TAFA5: variants seen among roughly 807,000 people sequenced by gnomAD.
TAFA5 encodes chemokine-like protein TAFA-5.
TAFA5 carries 6 observed loss-of-function variants against 15.3 expected under a neutral mutation model. The observed-to-expected ratio is 0.39, with a 90% CI of 0.21 to 0.77. The LOEUF (loss-of-function observed/expected upper bound fraction) is 0.77, where lower values mean the gene tolerates loss of function less well. TAFA5 is among the 30% of genes least tolerant of loss of function. TAFA5 has a pLI of 0.41. For synonymous variants in TAFA5, 103 were observed against 80.7 expected, an observed-to-expected ratio of 1.28 and a Z score of -1.48; for missense variants, 161 against 193.1, an observed-to-expected ratio of 0.83 and a Z score of 0.98.
chr22:48,742,881 G>A lies in TAFA5; in HGVS notation c.391-6958G>A, dbSNP rs1343403892. Among the ~76,000 whole-genome samples the A allele has an allele frequency of 6.6e-6, 1 of 152,156 alleles. No homozygotes were observed. Among genetic ancestry groups the A allele is most frequent in the East Asian group, 1.9e-4 (1 of 5,176 alleles). ...ACTGACGGTGTGAGGAGGGCCCTCT[G>A]CTGCCTCCATGCAGCCCACACGCGG... On this transcript the variant is annotated intron_variant, in intron 3 of 3. Coordinates refer to ENST00000402357, the MANE Select transcript of TAFA5 (RefSeq NM_001082967.3). This position sits in a 1 kb window ranked among gnomAD's most constrained non-coding sequence, Gnocchi z 6.2.
intron 1 of TAFA5, among the ~76,000 whole-genome samples, chr22:48,632,652 G>A (rs1926274388): frequency 6.6e-6 from 1 of 152,232 alleles, no homozygotes; most frequent in Non-Finnish European, 1.5e-5. Context: ...CCCTCTGGAG[G>A]CCGTTCTCTG....
At chr22:48,690,792 C>T (rs1928515926) in intron 2 of TAFA5, among the ~76,000 whole-genome samples, 2 of 152,322 alleles carry the variant, frequency 1.3e-5, no homozygotes, top group Middle Eastern at 3.4e-3. Context: ...GCCTTGGCCT[C>T]TGCCCAGGAG....
chr22:48,721,448 ACTGT>A (rs1222334103), intron 3 of TAFA5, among the ~76,000 whole-genome samples: 1 of 152,174 alleles, frequency 6.6e-6, no homozygotes, highest in African/African-American at 2.4e-5. Context: ...AACCGGTGCC[ACTGT>A]CTGATTCCAA....
chr22:48,584,558 C>T (rs192412706), intron 1 of TAFA5, among the ~76,000 whole-genome samples: 458 of 148,546 alleles, frequency 3.1e-3, no homozygotes, highest in African/African-American at 0.011. Flanking sequence ...ACACACACTA[C>T]ATGCCATGCA....
In TAFA5 at chr22:48,527,147, C is replaced by T. The variant is rs557001696; in HGVS notation, c.112+37443C>T. Among the ~76,000 whole-genome samples the T allele has an allele frequency of 3.3e-5, 5 of 152,376 alleles. No individual in the cohort carries two copies. In the East Asian group the frequency reaches 9.6e-4, roughly 29 times the overall value. On this transcript the variant is annotated intron_variant, in intron 1 of 3. Coordinates refer to ENST00000402357, the MANE Select transcript of TAFA5 (RefSeq NM_001082967.3). ...GCTGGCCTCCCCTGGGCCAATTGAC[C>T]AGGCCATGTGGTTCACCCTCTGGAG... is the stretch of plus-strand genomic sequence containing the variant.
rs969417776 is a variant in TAFA5 at position 48,530,144 on chromosome 22, C to G, written c.112+40440C>G. Among the ~76,000 whole-genome samples the G allele has an allele frequency of 1.3e-5, 2 of 152,158 alleles. No individual in the cohort carries two copies. The highest frequency in any genetic ancestry group is 2.9e-5 in the Non-Finnish European group (2 of 68,020). On this transcript the variant is annotated intron_variant, in intron 1 of 3. Coordinates refer to ENST00000402357, the MANE Select transcript of TAFA5 (RefSeq NM_001082967.3). This position sits in a 1 kb window ranked among gnomAD's most constrained non-coding sequence, Gnocchi z 6.0. ...GTACTGATGACCTGTACCACCTGCT[C>G]TGTCTCCATGGCGACTCGAGGAGGA...
intron 1 of TAFA5, among the ~76,000 whole-genome samples, chr22:48,605,963 A>AC (rs1242560447): frequency 6.6e-6 from 1 of 152,028 alleles, no homozygotes; most frequent in African/African-American, 2.4e-5. Flanking sequence ...CATGGGGTGG[A>AC]CCCCCAGCTC....
At chr22:48,575,842 G>C (rs1202710704) in intron 1 of TAFA5, among the ~76,000 whole-genome samples, 1 of 142,518 alleles carries the variant, frequency 7.0e-6, no homozygotes, top group Middle Eastern at 3.8e-3. Flanking sequence ...CGCCCGGCGC[G>C]CAGCCCCGGC....
intron 1 of TAFA5, among the ~76,000 whole-genome samples, chr22:48,514,920 C>T (rs1373854365): frequency 3.9e-5 from 6 of 152,254 alleles, no homozygotes; most frequent in Non-Finnish European, 7.3e-5. Flanking sequence ...GTAAGCACTG[C>T]CATCTCCATT....
intron 1 of TAFA5, among the ~76,000 whole-genome samples, chr22:48,517,015 T>C (rs1489847701): frequency 1.3e-5 from 2 of 152,220 alleles, no homozygotes; most frequent in African/African-American, 2.4e-5. Flanking sequence ...TGCTGGCATC[T>C]AGTGCAGCCA....
chr22:48,740,103 G>T lies in TAFA5; in HGVS notation c.391-9736G>T, dbSNP rs369421456. ...GCTGGCTTGTCCTTAATTAGCACAGGGAGGAGCTCACGCTGCAGGCCCCTC... is the reference window on the plus strand; with the variant it reads ...GCTGGCTTGTCCTTAATTAGCACAGTGAGGAGCTCACGCTGCAGGCCCCTC... On this transcript the variant is annotated intron_variant, in intron 3 of 3. Coordinates refer to ENST00000402357, the MANE Select transcript of TAFA5 (RefSeq NM_001082967.3). Among the ~76,000 whole-genome samples, 18 of 152,288 alleles carry T rather than the reference G, an allele frequency of 1.2e-4. No individual in the cohort carries two copies. In the East Asian group the frequency reaches 3.1e-3, roughly 26 times the overall value.
chr22:48,541,990 C>G (rs957108138), intron 1 of TAFA5, among the ~76,000 whole-genome samples: 2 of 152,160 alleles, frequency 1.3e-5, no homozygotes, highest in African/African-American at 4.8e-5. Flanking sequence ...TGTGCAGGGC[C>G]CAGCATCAAT....
At chr22:48,635,597 G>T (rs908141874) in intron 1 of TAFA5, among the ~76,000 whole-genome samples, 20 of 152,196 alleles carry the variant, frequency 1.3e-4, no homozygotes, top group African/African-American at 2.4e-5. Flanking sequence ...AAGGGGGGCA[G>T]AGTCCCACCA....
intron 3 of TAFA5, among the ~76,000 whole-genome samples, chr22:48,716,709 T>G (rs960200023): frequency 6.6e-6 from 1 of 152,156 alleles, no homozygotes; most frequent in Admixed American, 6.5e-5. Context: ...TGGAGAGCGC[T>G]TTGGGAAACT....
intron 3 of TAFA5, among the ~76,000 whole-genome samples, chr22:48,745,855 CG>C (rs1360290055): frequency 3.3e-5 from 5 of 152,162 alleles, no homozygotes; most frequent in Non-Finnish European, 7.3e-5. Flanking sequence ...GGCAGCACCA[CG>C]GGAAGGAAGG....
chr22:48,593,429 C>T (rs1924646567), intron 1 of TAFA5, among the ~76,000 whole-genome samples: 1 of 151,894 alleles, frequency 6.6e-6, no homozygotes, highest in Non-Finnish European at 1.5e-5. Flanking sequence ...AGGGAGACTG[C>T]TGTGGGCCTG....
chr22:48,537,799 CCGG>C (rs1922222249), intron 1 of TAFA5, among the ~76,000 whole-genome samples: 1 of 152,234 alleles, frequency 6.6e-6, no homozygotes, highest in South Asian at 2.1e-4. Context: ...CAGGCTCCTG[CCGG>C]AGTGAAGAGA....
intron 3 of TAFA5, among the ~76,000 whole-genome samples, chr22:48,744,092 C>T (rs1243303208): frequency 6.6e-6 from 1 of 152,252 alleles, no homozygotes; most frequent in Non-Finnish European, 1.5e-5. Flanking sequence ...CTGAACCCTG[C>T]ACTTGTGCAG....
chr22:48,524,607 C>G (rs1316110311), intron 1 of TAFA5, among the ~76,000 whole-genome samples: 3 of 152,226 alleles, frequency 2.0e-5, no homozygotes, highest in Non-Finnish European at 4.4e-5. Context: ...ACAGCCCACC[C>G]CTTTTAGGGG....
Sources: allele counts gnomAD v4.1 joint callset (sites outside exome capture counted in the v4.1 genomes callset), GRCh38; gene constraint gnomAD v4.1.1; non-coding constraint Gnocchi (gnomAD v3.1); transcripts MANE v1.5; gene names NCBI Gene and HGNC (gene_info 2026-07-23, HGNC 2026-07-21).